VPS53: variants seen among roughly 807,000 people sequenced by gnomAD.
VPS53 encodes vacuolar protein sorting-associated protein 53 homolog.
VPS53 carries 70 observed loss-of-function variants against 107.0 expected under a neutral mutation model. The observed-to-expected ratio is 0.65, with a 90% CI of 0.54 to 0.80. The LOEUF is 0.80. VPS53 is among the 30% of genes least tolerant of loss of function. The pLI is 0.00. For synonymous variants in VPS53, 409 were observed against 393.3 expected, an observed-to-expected ratio of 1.04 and a Z score of -0.47; for missense variants, 917 against 1,049.4, an observed-to-expected ratio of 0.87 and a Z score of 1.74.
At chr17:526,989 C>A (rs368294322) in intron 19 of VPS53, among the ~76,000 whole-genome samples, 6 of 152,366 alleles carry the variant, frequency 3.9e-5, no homozygotes, top group East Asian at 1.9e-4. Context: ...GGGGAGACAG[C>A]TCAGGCTATC....
At chr17:561,024 A>G (rs1412406364) in intron 14 of VPS53, among the ~76,000 whole-genome samples, 1 of 151,800 alleles carries the variant, frequency 6.6e-6, no homozygotes, top group Non-Finnish European at 1.5e-5. Flanking sequence ...ACTGGAACTC[A>G]TGTGTGTTTG....
intron 12 of VPS53, among the ~76,000 whole-genome samples, chr17:598,508 G>T (rs1284707137): frequency 1.3e-5 from 2 of 151,648 alleles, no homozygotes; most frequent in Non-Finnish European, 1.5e-5. Flanking sequence ...TCCCACCTAG[G>T]AAGTGAGGAG....
At chr17:552,012 A>G in intron 16 of VPS53, 62 bp from the exon 17 acceptor site, 1 of 1,435,400 alleles carries the variant, frequency 7.0e-7, no homozygotes, top group African/African-American at 1.4e-5. Flanking sequence ...AATGACTGAC[A>G]CTCAGGCCCC....
intron 17 of VPS53, among the ~76,000 whole-genome samples, chr17:545,257 T>G (rs1439844054): frequency 6.6e-6 from 1 of 152,332 alleles, no homozygotes; most frequent in East Asian, 1.9e-4. Context: ...TGCACCTGCA[T>G]GTGAATCTAG....
chr17:511,104 T>C lies in VPS53; in HGVS notation c.*8024A>G, dbSNP rs996677223. The C allele has an allele frequency of 1.3e-5, 2 of 152,284 alleles. No individual in the cohort carries two copies. The allele number at this position is 152,284 out of a possible 1,614,324, so 9.4% of individuals were successfully genotyped here. On this transcript the variant is annotated 3_prime_UTR_variant, in exon 22 of 22. Coordinates refer to ENST00000437048, the MANE Select transcript of VPS53 (RefSeq NM_001128159.3). Reference sequence around the variant, plus strand: ...TGTTTTCTTTATATAGCATTTGATATGTATTCCATTTGCCTTCTAAAGCCC... The same window carrying C: ...TGTTTTCTTTATATAGCATTTGATACGTATTCCATTTGCCTTCTAAAGCCC...
chr17:648,746 A>C (rs1325812783), intron 7 of VPS53, among the ~76,000 whole-genome samples: 2 of 147,068 alleles, frequency 1.4e-5, no homozygotes, highest in Non-Finnish European at 3.0e-5. Context: ...CTTACACTAT[A>C]GGACAGAGGA....
intron 8 of VPS53, among the ~76,000 whole-genome samples, chr17:630,678 C>G (rs1567690739): frequency 6.6e-6 from 1 of 152,008 alleles, no homozygotes; most frequent in East Asian, 1.9e-4. Flanking sequence ...TTATGGAACA[C>G]AAAGAAAAAA....
At chr17:620,125 C>G (rs903482592) in intron 11 of VPS53, among the ~76,000 whole-genome samples, 5 of 152,020 alleles carry the variant, frequency 3.3e-5, no homozygotes, top group African/African-American at 1.2e-4. Flanking sequence ...TTTTGATGTG[C>G]TAAGTAGGAA....
chr17:643,400 T>TACTCATACTTGGAAAGTGAGGACAAC (rs1970532312), intron 7 of VPS53, among the ~76,000 whole-genome samples: 2 of 55,314 alleles, frequency 3.6e-5, no homozygotes, highest in African/African-American at 1.4e-4. Flanking sequence ...CTGAGGACAA[T>TACTCATACTTGGAAAGTGAGGACAAC]ACTCATACTT....
At chr17:660,570 A>T (rs1327019925) in intron 5 of VPS53, among the ~76,000 whole-genome samples, 1 of 152,224 alleles carries the variant, frequency 6.6e-6, no homozygotes, top group African/African-American at 2.4e-5. Flanking sequence ...CAAAAGCAGC[A>T]TCGGATACTC....
At chr17:678,928 C>T (rs1010353502) in intron 4 of VPS53, among the ~76,000 whole-genome samples, 39 of 172 alleles carry the variant, frequency 0.23, no homozygotes, top group African/African-American at 0.4. Context: ...CGTGAGCCAC[C>T]GCGCCCCCGC....
intron 3 of VPS53, 130 bp downstream of exon 3, chr17:699,201 G>T: frequency 1.7e-6 from 1 of 573,106 alleles, no homozygotes; most frequent in Non-Finnish European, 2.7e-6. Flanking sequence ...ATTTTAAAAG[G>T]AATTATATTA....
chr17:644,501 G>A lies in VPS53; in HGVS notation c.608+8790C>T, dbSNP rs765153462. Among the ~76,000 whole-genome samples, 4 of 152,220 alleles carry A rather than the reference G, an allele frequency of 2.6e-5. No individual in the cohort carries two copies. In the East Asian group the frequency reaches 7.7e-4, roughly 29 times the overall value. On this transcript the variant is annotated intron_variant, in intron 7 of 21. Coordinates refer to ENST00000437048, the MANE Select transcript of VPS53 (RefSeq NM_001128159.3). Reference sequence around the variant, plus strand: ...TAAGAAGTCTGGACTTTTCTCAAACGTTTAGTACCTCTTAAAAAAACAATC... The same window carrying A: ...TAAGAAGTCTGGACTTTTCTCAAACATTTAGTACCTCTTAAAAAAACAATC...
chr17:697,466 A>C lies in VPS53; in HGVS notation c.237T>G (p.Ile79Met). 2 of 1,614,024 alleles carry C rather than the reference A, an allele frequency of 1.2e-6. No individual in the cohort carries two copies. The highest frequency in any genetic ancestry group is 1.7e-5 in the Admixed American group (1 of 60,028). Residue 79 changes from isoleucine to methionine, a missense_variant, in exon 4 of 22, where the codon ATT becomes ATG. Coordinates refer to ENST00000437048, the MANE Select transcript of VPS53 (RefSeq NM_001128159.3). ...RLKIRRLDDN[I>M]RTVVRGQTNV... ...TCGTCTGACCTCTTACAACAGTTCG[A>C]ATATTGTCATCCAGTCTCCTAGCAA... is the stretch of plus-strand genomic sequence containing the variant.
intron 11 of VPS53, among the ~76,000 whole-genome samples, chr17:620,683 T>TC (rs1467955075): frequency 6.6e-6 from 1 of 151,504 alleles, no homozygotes; most frequent in African/African-American, 2.4e-5. Flanking sequence ...ATTCTATTTT[T>TC]TTTTTTTTTT....
intron 7 of VPS53, among the ~76,000 whole-genome samples, chr17:648,896 G>T (rs1970818686): frequency 7.8e-6 from 1 of 128,366 alleles, no homozygotes; most frequent in Non-Finnish European, 1.7e-5. Flanking sequence ...CAGGCACTAA[G>T]ATCTTACACT....
chr17:552,840 T>C (rs2151839311), intron 16 of VPS53: 1 of 390,762 alleles, frequency 2.6e-6, no homozygotes, highest in South Asian at 6.0e-5. Flanking sequence ...TTAGGTTCTG[T>C]AGTGACTAAA....
At chr17:533,595 T>C (rs569644880) in intron 18 of VPS53, among the ~76,000 whole-genome samples, 1 of 152,310 alleles carries the variant, frequency 6.6e-6, no homozygotes, top group South Asian at 2.1e-4. Context: ...ACCTCTCAGA[T>C]CCTGTTCAAC....
At chr17:568,109 T>C (rs564548060) in intron 13 of VPS53, among the ~76,000 whole-genome samples, 4 of 152,160 alleles carry the variant, frequency 2.6e-5, no homozygotes, top group African/African-American at 9.6e-5. Context: ...GGGCCTGCAG[T>C]CAGCATTCAC....
Sources: gnomAD v4.1 joint callset for allele counts (sites outside exome capture counted in the v4.1 genomes callset) on GRCh38, gnomAD v4.1.1 for gene constraint, MANE v1.5 for transcripts, NCBI Gene and HGNC (gene_info 2026-07-23, HGNC 2026-07-21) for gene names.